PTPRG: variants seen among roughly 807,000 people sequenced by gnomAD.
The protein encoded by PTPRG is receptor-type tyrosine-protein phosphatase gamma.
A neutral mutation model predicts 165.3 loss-of-function variants in PTPRG; 102 were observed. The ratio of observed to expected loss-of-function variants is 0.62; its 90% CI spans 0.53 to 0.73. The LOEUF (loss-of-function observed/expected upper bound fraction) is 0.73, where lower values mean the gene tolerates loss of function less well. PTPRG is among the 30% of genes least tolerant of loss of function. The probability of loss-of-function intolerance (pLI) is 0.00; values close to 1 mark genes in which losing one functional copy is unlikely to be tolerated. For synonymous variants in PTPRG, 675 were observed against 669.5 expected, an observed-to-expected ratio of 1.01 and a Z score of -0.13; for missense variants, 1,866 against 1,861.4, an observed-to-expected ratio of 1.00 and a Z score of -0.05.
At chr3:62,208,033 T>C (rs1011686012) in intron 12 of PTPRG, among the ~76,000 whole-genome samples, 1 of 152,190 alleles carries the variant, frequency 6.6e-6, no homozygotes, top group Non-Finnish European at 1.5e-5. Flanking sequence ...TAAAACAATT[T>C]CTGCTTTTTA....
intron 1 of PTPRG, among the ~76,000 whole-genome samples, chr3:61,685,871 T>C (rs1703608996): frequency 6.6e-6 from 1 of 152,186 alleles, no homozygotes; most frequent in Admixed American, 6.5e-5. Flanking sequence ...TGCTGGCACA[T>C]TGAGGAGCAC....
At chr3:62,067,650 A>T (rs1011661499) in intron 4 of PTPRG, among the ~76,000 whole-genome samples, 5 of 152,204 alleles carry the variant, frequency 3.3e-5, no homozygotes, top group Admixed American at 2.0e-4. Context: ...GCGACAGATC[A>T]TCAGGCATTA....
At chr3:62,289,700 C>T (rs1702806635) in intron 28 of PTPRG, among the ~76,000 whole-genome samples, 1 of 88,288 alleles carries the variant, frequency 1.1e-5, no homozygotes, top group African/African-American at 3.9e-5. Flanking sequence ...ATTCATGATC[C>T]CCCCCCCCCA....
intron 1 of PTPRG, among the ~76,000 whole-genome samples, chr3:61,721,228 A>T (rs1274789562): frequency 2.0e-5 from 3 of 152,198 alleles, no homozygotes; most frequent in African/African-American, 7.2e-5. Context: ...GGGTGACTAC[A>T]TTAGAATTGC....
chr3:62,265,847 TACACACACAC>T (rs3046596), intron 17 of PTPRG, among the ~76,000 whole-genome samples: 15 of 126,848 alleles, frequency 1.2e-4, no homozygotes, highest in Admixed American at 1.6e-4. Flanking sequence ...CATACATACA[TACACACACAC>T]ACACACACAC....
At chr3:62,178,879 G>A (rs1705541194) in intron 8 of PTPRG, among the ~76,000 whole-genome samples, 2 of 152,208 alleles carry the variant, frequency 1.3e-5, no homozygotes, top group African/African-American at 4.8e-5. Context: ...TGGTGCTTGT[G>A]AACAGCAATC....
intron 5 of PTPRG, among the ~76,000 whole-genome samples, chr3:62,125,849 C>G (rs1703270682): frequency 6.6e-6 from 1 of 152,110 alleles, no homozygotes; most frequent in Admixed American, 6.6e-5. Flanking sequence ...GTGGGACAGA[C>G]AGGTTCTGGG....
intron 26 of PTPRG, 26 bp downstream of exon 26, chr3:62,277,705 T>A: frequency 6.2e-7 from 1 of 1,610,318 alleles, no homozygotes; most frequent in Non-Finnish European, 8.5e-7. Context: ...CTGCTATATA[T>A]TAATGAGCCC....
chr3:62,272,215 G>T (rs1162752849), intron 21 of PTPRG, among the ~76,000 whole-genome samples: 2 of 152,142 alleles, frequency 1.3e-5, no homozygotes, highest in Non-Finnish European at 2.9e-5. Flanking sequence ...AATAGAGATT[G>T]TGTTTTTGTA....
At chr3:62,037,029 A>G (rs1001226485) in intron 4 of PTPRG, among the ~76,000 whole-genome samples, 1 of 151,902 alleles carries the variant, frequency 6.6e-6, no homozygotes, top group Non-Finnish European at 1.5e-5. Flanking sequence ...GATGTACAAA[A>G]GCCACTAATA....
chr3:61,743,571 G>A (rs2106891809), intron 1 of PTPRG, among the ~76,000 whole-genome samples: 1 of 152,310 alleles, frequency 6.6e-6, no homozygotes, highest in East Asian at 1.9e-4. Context: ...GGAGAATGCA[G>A]CAATGTACAG....
In PTPRG at chr3:62,197,042, C is replaced by T. The variant is rs184904494; in HGVS notation, c.1327+1872C>T. 9.2e-5 allele frequency among the ~76,000 whole-genome samples: 14 copies of T among 152,282 alleles called. No homozygotes were observed. In the East Asian group the frequency reaches 2.7e-3, roughly 29 times the overall value. ...AGCTTTCACAAGTTGGCCCTGATGG[C>T]CCTGGGAGCTGGCAGGCACTGTAAG... On this transcript the variant is annotated intron_variant, in intron 10 of 29. Transcript: ENST00000474889.
chr3:62,104,692 C>G (rs1250502578), intron 5 of PTPRG, among the ~76,000 whole-genome samples: 1 of 152,158 alleles, frequency 6.6e-6, no homozygotes, highest in African/African-American at 2.4e-5. Context: ...CTTCTTCTTG[C>G]TTTTGATGAG....
At chr3:61,847,996 A>T (rs1186430498) in intron 2 of PTPRG, among the ~76,000 whole-genome samples, 1 of 152,176 alleles carries the variant, frequency 6.6e-6, no homozygotes, top group Non-Finnish European at 1.5e-5. Context: ...ATTTGCAGAG[A>T]CGCCTTGTCC....
intron 2 of PTPRG, among the ~76,000 whole-genome samples, chr3:61,781,890 GT>G (rs34682047): frequency 3.8e-4 from 51 of 133,726 alleles, no homozygotes; most frequent in South Asian, 1.7e-3. Flanking sequence ...ACCATGCCCA[GT>G]TTTTTTTTTT....
chr3:61,765,891 A>G (rs1462587550), intron 2 of PTPRG, among the ~76,000 whole-genome samples: 1 of 152,134 alleles, frequency 6.6e-6, no homozygotes, highest in Non-Finnish European at 1.5e-5. Context: ...GTTTGTACTC[A>G]TTTGTTCCCA....
chr3:62,180,148 A>C (rs1254075769), intron 8 of PTPRG, among the ~76,000 whole-genome samples: 1 of 152,216 alleles, frequency 6.6e-6, no homozygotes, highest in Non-Finnish European at 1.5e-5. Context: ...AAGTATTTCT[A>C]TAAAATCCCA....
At position 62,139,088 on chromosome 3, in the gene PTPRG, C is replaced by G. The variant is rs556887718; in HGVS notation, c.682+6420C>G. ...CCCACCCCTTCCTCACTGTCACTTTCCTCTCCTGGAGAATGTACCATCTTA... is the reference window on the plus strand; with the variant it reads ...CCCACCCCTTCCTCACTGTCACTTTGCTCTCCTGGAGAATGTACCATCTTA... On this transcript the variant is annotated intron_variant, in intron 6 of 29. Coordinates refer to ENST00000474889, the MANE Select transcript of PTPRG (RefSeq NM_002841.4). 3.9e-5 allele frequency among the ~76,000 whole-genome samples: 6 copies of G among 152,310 alleles called. No individual in the cohort carries two copies. In the South Asian group the frequency reaches 1.2e-3, roughly 32 times the overall value.
At chr3:61,767,971 C>CAAAAAA (rs35466366) in intron 2 of PTPRG, among the ~76,000 whole-genome samples, 1 of 104,182 alleles carries the variant, frequency 9.6e-6, no homozygotes, top group Non-Finnish European at 1.9e-5. Flanking sequence ...GACCCTGTCT[C>CAAAAAA]AAAAAAAAAA....
Sources: gnomAD v4.1 joint callset for allele counts (sites outside exome capture counted in the v4.1 genomes callset) on GRCh38, gnomAD v4.1.1 for gene constraint, MANE v1.5 for transcripts, NCBI Gene and HGNC (gene_info 2026-07-23, HGNC 2026-07-21) for gene names.